LRRC28: variants seen among roughly 807,000 people sequenced by gnomAD.
LRRC28 encodes the protein leucine rich repeat containing 28.
Under a neutral mutation model 45.7 loss-of-function variants are expected in LRRC28, and 39 were observed. The observed-to-expected ratio is 0.85, with a 90% CI of 0.66 to 1.12. The LOEUF is 1.12. Among genes scored for constraint, LRRC28 ranks in the 50% most tolerant of loss-of-function variants. The pLI is 0.00. For synonymous variants in LRRC28, 206 were observed against 178.8 expected, an observed-to-expected ratio of 1.15 and a Z score of -1.22; for missense variants, 435 against 438.5, an observed-to-expected ratio of 0.99 and a Z score of 0.07.
At chr15:99,351,985 A>G (rs1168838093) in intron 6 of LRRC28, among the ~76,000 whole-genome samples, 2 of 152,210 alleles carry the variant, frequency 1.3e-5, no homozygotes, top group Non-Finnish European at 2.9e-5. Flanking sequence ...ACCAAATAGA[A>G]TTCTTGCTGA....
At chr15:99,287,546 G>A (rs1342375242) in intron 4 of LRRC28, among the ~76,000 whole-genome samples, 5 of 151,974 alleles carry the variant, frequency 3.3e-5, no homozygotes, top group African/African-American at 1.2e-4. Context: ...AAGAATTCTG[G>A]TCAGATAAAA....
chr15:99,262,180 C>A (rs2081215838), intron 2 of LRRC28, among the ~76,000 whole-genome samples: 1 of 152,118 alleles, frequency 6.6e-6, no homozygotes. Context: ...CCACTAACCT[C>A]TAGGCCAATA....
In LRRC28 at chr15:99,359,185, A is replaced by G. The variant is rs544783794; in HGVS notation, c.696-2151A>G. Among the ~76,000 whole-genome samples the G allele has an allele frequency of 4.6e-5, 7 of 152,328 alleles. No homozygotes were observed. The South Asian group carries it at 1.2e-3, about 27-fold the overall frequency. On this transcript the variant is annotated intron_variant, in intron 7 of 9. Transcript: ENST00000301981. ...TAACCCTCTTAAGAAATTCAGAAAAATGTAGATACCATGAAGGAAATAAGT... is the reference window on the plus strand; with the variant it reads ...TAACCCTCTTAAGAAATTCAGAAAAGTGTAGATACCATGAAGGAAATAAGT...
intron 3 of LRRC28, 46 bp downstream of exon 3, chr15:99,276,662 T>C: frequency 1.4e-6 from 2 of 1,410,284 alleles, no homozygotes; most frequent in Non-Finnish European, 1.9e-6. Flanking sequence ...ATGAAAATAA[T>C]TCTAAGTTGT....
chr15:99,273,537 G>A (rs1389647644), intron 2 of LRRC28, among the ~76,000 whole-genome samples: 1 of 150,200 alleles, frequency 6.7e-6, no homozygotes, highest in Non-Finnish European at 1.5e-5. Context: ...GTGCCCGGCC[G>A]TGTCTGTGTG....
chr15:99,253,673 G>A (rs773211025), intron 1 of LRRC28, among the ~76,000 whole-genome samples: 3 of 152,194 alleles, frequency 2.0e-5, no homozygotes, highest in South Asian at 2.1e-4. Context: ...GATGTGTACC[G>A]AAAAGAGTGA....
In LRRC28 at chr15:99,390,631, A is replaced by C. The variant is rs1958156019; in HGVS notation, c.*4529A>C. On this transcript the variant is annotated 3_prime_UTR_variant, in exon 10 of 10. Coordinates refer to ENST00000301981, the MANE Select transcript of LRRC28 (RefSeq NM_144598.5). ...TCCAATTTGGTTGCCTCTCTCAGTT[A>C]CTGCAGTTTATAGAATAATTGAGCT... 6.6e-6 allele frequency: 1 copy of C among 152,210 alleles called. No individual in the cohort carries two copies. The highest frequency in any genetic ancestry group is 1.5e-5 in the Non-Finnish European group (1 of 68,040). 9.4% of individuals were successfully genotyped at this position (152,210 alleles called of 1,614,324 possible).
intron 6 of LRRC28, among the ~76,000 whole-genome samples, chr15:99,350,884 C>T (rs768324844): frequency 6.6e-6 from 1 of 152,168 alleles, no homozygotes; most frequent in Non-Finnish European, 1.5e-5. Flanking sequence ...ATTGCAGCCT[C>T]GACCTCCCAG....
intron 5 of LRRC28, among the ~76,000 whole-genome samples, chr15:99,302,833 A>G (rs2152247063): frequency 6.6e-6 from 1 of 152,320 alleles, no homozygotes; most frequent in African/African-American, 2.4e-5. Context: ...AGTAGTTTAA[A>G]TGTATATAAC....
rs191344345 is a variant in LRRC28 at position 99,281,616 on chromosome 15, C to T, written c.209+5000C>T. On this transcript the variant is annotated intron_variant, in intron 3 of 9. Coordinates refer to ENST00000301981, the MANE Select transcript of LRRC28 (RefSeq NM_144598.5). The stretch of plus-strand genomic sequence containing the variant: ...TTCTCCTGGTTATGGGTCATATTTT[C>T]CTGATTCTTGGCATGTCTAATACTT... Among the ~76,000 whole-genome samples, 13 of 152,224 alleles carry T rather than the reference C, an allele frequency of 8.5e-5. No homozygotes were observed. The East Asian group carries it at 1.7e-3, about 20-fold the overall frequency.
At chr15:99,273,010 G>C (rs1266604416) in intron 2 of LRRC28, among the ~76,000 whole-genome samples, 1 of 152,148 alleles carries the variant, frequency 6.6e-6, no homozygotes, top group African/African-American at 2.4e-5. Flanking sequence ...CAAAAATTCT[G>C]ACATTAATTT....
Position 99,389,390 on chromosome 15 carries a change from A to C in LRRC28, c.*3288A>C, listed in dbSNP as rs1261611327. 6.6e-6 allele frequency: 1 copy of C among 152,244 alleles called. No homozygotes were observed. The highest frequency in any genetic ancestry group is 1.5e-5 in the Non-Finnish European group (1 of 68,034). The allele number at this position is 152,244 out of a possible 1,614,324, so 9.4% of individuals were successfully genotyped here. A position where few individuals can be genotyped will look rare whatever the true frequency, so the allele number is the denominator to read the frequency against. ...ATTTTGTAGTCTGTGGGGACTTTCA[A>C]AGCCAATTTTTAAAATTAGTAGTAG... On this transcript the variant is annotated 3_prime_UTR_variant, in exon 10 of 10. Coordinates refer to ENST00000301981, the MANE Select transcript of LRRC28 (RefSeq NM_144598.5).
intron 7 of LRRC28, chr15:99,360,858 G>T (rs943479768): frequency 6.6e-6 from 1 of 152,586 alleles, no homozygotes; most frequent in Non-Finnish European, 1.5e-5. Context: ...TTTATGGAAG[G>T]ATCCAATAAA....
intron 5 of LRRC28, among the ~76,000 whole-genome samples, chr15:99,329,660 A>C (rs1956095994): frequency 6.6e-6 from 1 of 152,230 alleles, no homozygotes; most frequent in African/African-American, 2.4e-5. Context: ...TCCATTTTGT[A>C]CATCTGCATA....
chr15:99,295,182 C>G (rs539747917), intron 5 of LRRC28, among the ~76,000 whole-genome samples: 4 of 152,200 alleles, frequency 2.6e-5, no homozygotes, highest in Non-Finnish European at 5.9e-5. Flanking sequence ...GATTACTGAT[C>G]CGATTGCTTC....
intron 6 of LRRC28, among the ~76,000 whole-genome samples, chr15:99,335,673 ATT>A (rs111617321): frequency 6.6e-6 from 1 of 151,314 alleles, no homozygotes; most frequent in Non-Finnish European, 1.5e-5. Context: ...GTCTCTAAAA[ATT>A]TTTTTTTACC....
At chr15:99,294,221 C>G (rs1219723055) in intron 5 of LRRC28, among the ~76,000 whole-genome samples, 1 of 151,976 alleles carries the variant, frequency 6.6e-6, no homozygotes, top group Non-Finnish European at 1.5e-5. Flanking sequence ...TGGCAAGTTT[C>G]CTTTTATTAA....
intron 2 of LRRC28, among the ~76,000 whole-genome samples, chr15:99,261,752 G>A (rs2081204444): frequency 6.6e-6 from 1 of 152,018 alleles, no homozygotes; most frequent in East Asian, 1.9e-4. Context: ...CTGCCTCCCG[G>A]GTTCAAGTGA....
At chr15:99,370,827 G>C (rs894812552) in intron 9 of LRRC28, among the ~76,000 whole-genome samples, 6 of 152,152 alleles carry the variant, frequency 3.9e-5, no homozygotes, top group African/African-American at 1.4e-4. Context: ...CACACATATT[G>C]AAACAATTGT....
Sources: allele counts gnomAD v4.1 joint callset (sites outside exome capture counted in the v4.1 genomes callset), GRCh38; gene constraint gnomAD v4.1.1; transcripts MANE v1.5; gene names NCBI Gene and HGNC (gene_info 2026-07-23, HGNC 2026-07-21).